The following SREK1IP1 variants were observed in gnomAD, a reference collection of about 807,000 sequenced individuals.
SREK1IP1 encodes SREK1 interacting protein 1.
In SREK1IP1, 12 loss-of-function variants were observed where a neutral mutation model predicts 22.8. The ratio of observed to expected loss-of-function variants is 0.53; its 90% CI spans 0.34 to 0.85. The LOEUF (loss-of-function observed/expected upper bound fraction) is 0.85, where lower values mean the gene tolerates loss of function less well. Ranked by LOEUF, SREK1IP1 falls within the 40% of genes least tolerant of loss-of-function variation. The pLI is 0.02. For missense variants in SREK1IP1, 147 were observed against 171.8 expected (o/e 0.86, Z 0.81); for synonymous variants, 53 against 52.7 (o/e 1.01, Z -0.02).
At position 64,741,094 on chromosome 5, in the gene SREK1IP1, A is replaced by G; in HGVS notation, c.168T>C (p.Asn56=). 1 of 1,612,770 alleles carries G rather than the reference A, an allele frequency of 6.2e-7. No homozygotes were observed. The highest frequency in any genetic ancestry group is 8.5e-7 in the Non-Finnish European group (1 of 1,179,350). The part of the protein sequence containing the change: ...STSSEDSDEE[N]EELNKLQALQ... ...ATGCCTGCAATTTATTCAGTTCTTC[A>G]TTCTCTTCATCGCTATCTTCACTAC... Residue 56 remains asparagine (N), a synonymous_variant, in exon 3 of 5, where the codon AAT becomes AAC. Transcript: ENST00000513458.
At position 64,728,141 on chromosome 5, in the gene SREK1IP1, T is replaced by C. The variant is rs1167192196; in HGVS notation, c.244A>G (p.Lys82Glu). The C allele has an allele frequency of 3.5e-6, 5 of 1,433,730 alleles. No individual in the cohort carries two copies. The highest frequency in any genetic ancestry group is 1.5e-5 in the South Asian group (1 of 65,602). 88.8% of individuals were successfully genotyped at this position (1,433,730 alleles called of 1,614,324 possible). The change falls in exon 4 of 5, where the codon AAA (lysine) becomes GAA (glutamate). Residue 82 changes from lysine to glutamate, a missense_variant. Transcript: ENST00000513458. Reference protein sequence around the residue: ...EEEEKKKEKSKEKIKLKKKRK... With the variant: ...EEEEKKKEKSEEKIKLKKKRK... ...TTTTTTTTCAATTTGATTTTTTCTT[T>C]GCTTTTTTCTTTCTTCTTTTCCTCT...
At chr5:64,744,059 G>C (rs1742593244) in intron 2 of SREK1IP1, among the ~76,000 whole-genome samples, 1 of 152,126 alleles carries the variant, frequency 6.6e-6, no homozygotes, top group Non-Finnish European at 1.5e-5. Context: ...CCGGGCAAGT[G>C]GACACAAGCA....
intron 2 of SREK1IP1, among the ~76,000 whole-genome samples, chr5:64,742,658 T>G (rs914355911): frequency 3.9e-5 from 6 of 152,130 alleles, no homozygotes; most frequent in African/African-American, 1.4e-4. Context: ...GGCAGGGCCC[T>G]GGGCCTTATT....
chr5:64,750,079 C>T (rs941247283), intron 2 of SREK1IP1, among the ~76,000 whole-genome samples: 9 of 152,142 alleles, frequency 5.9e-5, no homozygotes, highest in East Asian at 1.9e-4. Context: ...TAACTCTTTA[C>T]CCCAAGCCCT....
intron 2 of SREK1IP1, among the ~76,000 whole-genome samples, chr5:64,744,694 T>C (rs1216681409): frequency 6.6e-6 from 1 of 152,360 alleles, no homozygotes; most frequent in East Asian, 1.9e-4. Context: ...TTATGTGTAG[T>C]TTTATTAATC....
chr5:64,750,913 GA>G (rs1015491877), intron 2 of SREK1IP1, among the ~76,000 whole-genome samples: 1 of 151,768 alleles, frequency 6.6e-6, no homozygotes, highest in Admixed American at 6.6e-5. Flanking sequence ...AAAGAAAAAA[GA>G]AAAAAACCCT....
intron 3 of SREK1IP1, among the ~76,000 whole-genome samples, chr5:64,736,275 T>C (rs1742460843): frequency 6.6e-6 from 1 of 152,084 alleles, no homozygotes; most frequent in South Asian, 2.1e-4. Context: ...ATAGGTCAAG[T>C]TGGTTGATAG....
intron 2 of SREK1IP1, among the ~76,000 whole-genome samples, chr5:64,750,523 A>C (rs1371338272): frequency 6.6e-6 from 1 of 152,096 alleles, no homozygotes; most frequent in Non-Finnish European, 1.5e-5. Flanking sequence ...TGAGTGTAAC[A>C]ACCACCTGTT....
intron 1 of SREK1IP1, among the ~76,000 whole-genome samples, chr5:64,760,352 C>T (rs989180167): frequency 6.6e-6 from 1 of 152,214 alleles, no homozygotes; most frequent in Admixed American, 6.5e-5. Context: ...TAATTGTAAG[C>T]AGCCAGAAAG....
chr5:64,768,374 AC>A, intron 1 of SREK1IP1, 130 bp downstream of exon 1: 1 of 1,193,538 alleles, frequency 8.4e-7, no homozygotes, highest in East Asian at 2.4e-5. Flanking sequence ...TGTAAACAAA[AC>A]AAACCTGTGA....
chr5:64,728,499 T>C (rs115395402), intron 3 of SREK1IP1, among the ~76,000 whole-genome samples: 1,556 of 152,266 alleles, frequency 0.01, 8 homozygotes, highest in Non-Finnish European at 0.016. Flanking sequence ...ACTACAACAG[T>C]GCACAGTTTT....
chr5:64,727,517 G>A (rs1315515988), intron 4 of SREK1IP1, among the ~76,000 whole-genome samples: 1 of 139,400 alleles, frequency 7.2e-6, no homozygotes, highest in Non-Finnish European at 1.5e-5. Flanking sequence ...GTGTGTGTAT[G>A]TGCATATAAT....
intron 1 of SREK1IP1, among the ~76,000 whole-genome samples, chr5:64,763,039 G>A (rs1307043460): frequency 6.6e-6 from 1 of 151,854 alleles, no homozygotes. Context: ...GTGACAGAGC[G>A]AGACTCTGTC....
At chr5:64,752,182 C>T (rs184606886) in intron 2 of SREK1IP1, among the ~76,000 whole-genome samples, 7 of 115,594 alleles carry the variant, frequency 6.1e-5, no homozygotes, top group East Asian at 3.0e-4. Flanking sequence ...GATGGAGTCT[C>T]GCTCCATCGC....
At chr5:64,734,426 T>C (rs1450582327) in intron 3 of SREK1IP1, among the ~76,000 whole-genome samples, 3 of 152,026 alleles carry the variant, frequency 2.0e-5, no homozygotes, top group Non-Finnish European at 4.4e-5. Context: ...TTTTTATTTT[T>C]AGAGATAAGG....
chr5:64,731,012 T>A (rs963475166), intron 3 of SREK1IP1, among the ~76,000 whole-genome samples: 5 of 152,158 alleles, frequency 3.3e-5, no homozygotes, highest in African/African-American at 1.2e-4. Context: ...GTCAATAGCC[T>A]GAGGGTCTTT....
chr5:64,742,640 T>C (rs189835323), intron 2 of SREK1IP1, among the ~76,000 whole-genome samples: 1 of 152,286 alleles, frequency 6.6e-6, no homozygotes, highest in Admixed American at 6.5e-5. Context: ...GAGTTCCAAT[T>C]TGGCTTGGGC....
chr5:64,754,181 T>C lies in SREK1IP1; in HGVS notation c.61+134A>G, dbSNP rs528398985. On this transcript the variant is annotated intron_variant, in intron 2 of 4. Transcript: ENST00000513458. ...TTTAGTGCTAACAGAGGAATTTCTGTAACTAGATGTTAGCTTAGGGCTAAA... is the reference window on the plus strand; with the variant it reads ...TTTAGTGCTAACAGAGGAATTTCTGCAACTAGATGTTAGCTTAGGGCTAAA... 273 of 746,238 alleles carry C rather than the reference T, an allele frequency of 3.7e-4. 3 individuals carry two copies. In the South Asian group the frequency reaches 5.2e-3, roughly 14 times the overall value. 46.2% of individuals were successfully genotyped at this position (746,238 alleles called of 1,614,324 possible).
chr5:64,733,591 T>C (rs891298342), intron 3 of SREK1IP1, among the ~76,000 whole-genome samples: 3 of 152,106 alleles, frequency 2.0e-5, no homozygotes, highest in Admixed American at 1.3e-4. Flanking sequence ...ACTGTAGAGT[T>C]TGACAGTTTA....
Sources: gnomAD v4.1 joint callset for allele counts (sites outside exome capture counted in the v4.1 genomes callset) on GRCh38, gnomAD v4.1.1 for gene constraint, MANE v1.5 for transcripts, NCBI Gene and HGNC (gene_info 2026-07-23, HGNC 2026-07-21) for gene names.